BBX: variants seen among roughly 807,000 people sequenced by gnomAD.
BBX encodes the protein HMG box transcription factor BBX.
In BBX, 30 loss-of-function variants were observed where a neutral mutation model predicts 100.2. That is an observed-to-expected ratio of 0.30 (90% CI 0.22 to 0.41). The LOEUF (loss-of-function observed/expected upper bound fraction) is 0.41. Among genes scored for constraint, BBX ranks in the 10% least tolerant of loss-of-function variants. The probability of loss-of-function intolerance (pLI) is 1.00; values close to 1 mark genes in which losing one functional copy is unlikely to be tolerated. For missense variants in BBX, 1,023 were observed against 1,129.8 expected, an observed-to-expected ratio of 0.91 and a Z score of 1.35; for synonymous variants, 376 against 388.1, an observed-to-expected ratio of 0.97 and a Z score of 0.37.
intron 3 of BBX, among the ~76,000 whole-genome samples, chr3:107,675,067 A>C (rs904879273): frequency 6.6e-6 from 1 of 152,160 alleles, no homozygotes; most frequent in Non-Finnish European, 1.5e-5. Flanking sequence ...TGTAAGAAAT[A>C]AGTTGCAGAA....
At chr3:107,782,495 C>A (rs1046636811) in intron 13 of BBX, among the ~76,000 whole-genome samples, 1 of 152,090 alleles carries the variant, frequency 6.6e-6, no homozygotes, top group Admixed American at 6.6e-5. Flanking sequence ...TTTCTCACAA[C>A]AGGTGTAAAG....
At chr3:107,735,950 A>G (rs1346834895) in intron 7 of BBX, among the ~76,000 whole-genome samples, 1 of 151,992 alleles carries the variant, frequency 6.6e-6, no homozygotes, top group East Asian at 1.9e-4. Context: ...ATGAAAAAAA[A>G]TGGATGCGTT....
chr3:107,605,215 G>T lies in BBX; in HGVS notation c.-83-40621G>T, dbSNP rs188433548. Among the ~76,000 whole-genome samples, 246 of 152,216 alleles carry T rather than the reference G, an allele frequency of 1.6e-3. 2 individuals are homozygous for T. The highest frequency in any genetic ancestry group is 1.2e-3 in the Non-Finnish European group (84 of 68,020). ...CAAATGAGCAGGTGATTTGTGTACA[G>T]TTCACTACTGTCAAGCCTAGAACCC... is the stretch of plus-strand genomic sequence containing the variant. On this transcript the variant is annotated intron_variant, in intron 2 of 17. Coordinates refer to ENST00000325805, the MANE Select transcript of BBX (RefSeq NM_001142568.3).
At chr3:107,576,361 A>G (rs2051769831) in intron 2 of BBX, among the ~76,000 whole-genome samples, 1 of 152,240 alleles carries the variant, frequency 6.6e-6, no homozygotes, top group South Asian at 2.1e-4. Flanking sequence ...TATCTTTTTC[A>G]AAACACTACT....
At chr3:107,616,436 T>C (rs1260104735) in intron 2 of BBX, among the ~76,000 whole-genome samples, 1 of 149,584 alleles carries the variant, frequency 6.7e-6, no homozygotes, top group East Asian at 1.9e-4. Context: ...GTTTTTGTTT[T>C]TGTTTTTGTT....
At chr3:107,536,038 A>G (rs974550695) in intron 2 of BBX, among the ~76,000 whole-genome samples, 2 of 152,258 alleles carry the variant, frequency 1.3e-5, no homozygotes, top group Non-Finnish European at 2.9e-5. Context: ...AAAAATTAAT[A>G]AGCGGATTCA....
At chr3:107,754,101 T>A (rs1231868310) in intron 9 of BBX, among the ~76,000 whole-genome samples, 1 of 152,318 alleles carries the variant, frequency 6.6e-6, no homozygotes, top group South Asian at 2.1e-4. Flanking sequence ...GCTCAAAATC[T>A]TATTTGCTTA....
intron 16 of BBX, 32 bp downstream of exon 16, chr3:107,798,752 C>G (rs1279720065): frequency 1.2e-6 from 2 of 1,600,090 alleles, no homozygotes; most frequent in East Asian, 4.5e-5. Flanking sequence ...CCAGAGGTGT[C>G]CAATCTTTTA....
At chr3:107,709,247 G>A (rs1293290784) in intron 3 of BBX, among the ~76,000 whole-genome samples, 2 of 152,086 alleles carry the variant, frequency 1.3e-5, no homozygotes, top group Non-Finnish European at 2.9e-5. Flanking sequence ...AGAAAACATT[G>A]GTGAATAATT....
At chr3:107,779,722 A>G (rs941515119) in intron 13 of BBX, among the ~76,000 whole-genome samples, 1 of 152,166 alleles carries the variant, frequency 6.6e-6, no homozygotes, top group Non-Finnish European at 1.5e-5. Flanking sequence ...TAAGATATAT[A>G]GATGAGGGAA....
intron 3 of BBX, among the ~76,000 whole-genome samples, chr3:107,697,481 C>T (rs1435082493): frequency 6.6e-6 from 1 of 151,868 alleles, no homozygotes; most frequent in Non-Finnish European, 1.5e-5. Flanking sequence ...TCTGCCCCTG[C>T]TGGGGGTGCC....
intron 5 of BBX, among the ~76,000 whole-genome samples, chr3:107,723,671 T>A (rs2062706175): frequency 6.6e-6 from 1 of 152,140 alleles, no homozygotes; most frequent in Admixed American, 6.5e-5. Context: ...TTTGTTTTTT[T>A]GTCCTTGTGA....
intron 5 of BBX, among the ~76,000 whole-genome samples, chr3:107,726,483 C>T (rs72941394): frequency 0.034 from 5,104 of 152,010 alleles, 272 homozygotes; most frequent in African/African-American, 0.11. Context: ...AACTAATGAA[C>T]GTGGTTTTGA....
intron 5 of BBX, among the ~76,000 whole-genome samples, chr3:107,728,041 A>G (rs1252549246): frequency 6.6e-6 from 1 of 152,194 alleles, no homozygotes. Context: ...CAAGCCACAG[A>G]AAAATGAAGG....
intron 10 of BBX, among the ~76,000 whole-genome samples, chr3:107,759,497 TG>T (rs1425054330): frequency 6.6e-6 from 1 of 152,172 alleles, no homozygotes; most frequent in Non-Finnish European, 1.5e-5. Flanking sequence ...GAGATCATTG[TG>T]TATTATAGTG....
chr3:107,635,118 A>G (rs955257704), intron 2 of BBX, among the ~76,000 whole-genome samples: 7 of 141,704 alleles, frequency 4.9e-5, no homozygotes, highest in African/African-American at 1.8e-4. Flanking sequence ...GACTATTACC[A>G]TCTATAAAAA....
At chr3:107,642,239 A>G (rs966199652) in intron 2 of BBX, among the ~76,000 whole-genome samples, 3 of 152,196 alleles carry the variant, frequency 2.0e-5, no homozygotes, top group Non-Finnish European at 4.4e-5. Flanking sequence ...AATTAAATCA[A>G]CAAGAATTTT....
intron 3 of BBX, among the ~76,000 whole-genome samples, chr3:107,691,254 G>A (rs746160151): frequency 2.0e-4 from 31 of 151,988 alleles, no homozygotes; most frequent in Non-Finnish European, 3.8e-4. Context: ...AATAATACAC[G>A]AATAGGAACT....
At chr3:107,584,155 TGA>T (rs1491171959) in intron 2 of BBX, among the ~76,000 whole-genome samples, 2 of 27,262 alleles carry the variant, frequency 7.3e-5, no homozygotes, top group South Asian at 6.3e-4. Context: ...ATATAATATA[TGA>T]TATATATATT....
Sources: gnomAD v4.1 joint callset for allele counts (sites outside exome capture counted in the v4.1 genomes callset) on GRCh38, gnomAD v4.1.1 for gene constraint, MANE v1.5 for transcripts, NCBI Gene and HGNC (gene_info 2026-07-23, HGNC 2026-07-21) for gene names.